Variants in TNFAIP8 observed in about 807,000 individuals in gnomAD.
TNFAIP8 encodes the protein tumor necrosis factor alpha-induced protein 8.
In TNFAIP8, 7 loss-of-function variants were observed where a neutral mutation model predicts 13.3. The observed-to-expected ratio is 0.52, with a 90% CI of 0.30 to 0.99. The LOEUF (loss-of-function observed/expected upper bound fraction) is 0.99. TNFAIP8 is among the 50% of genes least tolerant of loss of function. The pLI is 0.07. For synonymous variants in TNFAIP8, 94 were observed against 87.6 expected, an observed-to-expected ratio of 1.07 and a Z score of -0.41; for missense variants, 258 against 236.9, an observed-to-expected ratio of 1.09 and a Z score of -0.58.
intron 1 of TNFAIP8, chr5:119,391,614 C>T (rs1354243927): frequency 4.2e-6 from 2 of 479,884 alleles, no homozygotes; most frequent in Non-Finnish European, 7.7e-6. Context: ...ACACAATTAG[C>T]CGGGCATGGT....
chr5:119,349,641 C>T (rs149106451), intron 1 of TNFAIP8, among the ~76,000 whole-genome samples: 2 of 152,146 alleles, frequency 1.3e-5, no homozygotes, highest in South Asian at 2.1e-4. Flanking sequence ...AATTAAGGTC[C>T]TTACTGAACT....
At chr5:119,373,216 G>A (rs925472723) in intron 1 of TNFAIP8, among the ~76,000 whole-genome samples, 10 of 152,088 alleles carry the variant, frequency 6.6e-5, no homozygotes, top group East Asian at 1.9e-4. Flanking sequence ...AAAAACTGCC[G>A]TATGTGGGAT....
chr5:119,273,899 C>T (rs1384270821), intron 1 of TNFAIP8, among the ~76,000 whole-genome samples: 2 of 152,206 alleles, frequency 1.3e-5, no homozygotes, highest in Admixed American at 6.5e-5. Context: ...AAGTAAGCAA[C>T]AGCTCACTCT....
upstream of TNFAIP8, among the ~76,000 whole-genome samples, chr5:119,352,423 G>GAA (rs75767453): frequency 9.3e-5 from 14 of 151,082 alleles, no homozygotes; most frequent in African/African-American, 3.4e-4. Flanking sequence ...CAGCAGGTTA[G>GAA]AAAAAAAAAT....
intron 1 of TNFAIP8, among the ~76,000 whole-genome samples, chr5:119,325,464 T>A (rs1431602556): frequency 6.6e-6 from 1 of 152,096 alleles, no homozygotes; most frequent in Non-Finnish European, 1.5e-5. Flanking sequence ...TTATTTATTT[T>A]TGAGACGGAG....
chr5:119,377,196 G>A (rs939379372), intron 1 of TNFAIP8, among the ~76,000 whole-genome samples: 1 of 152,032 alleles, frequency 6.6e-6, no homozygotes, highest in African/African-American at 2.4e-5. Flanking sequence ...GAGGCCAAGA[G>A]TTTGAGACCA....
chr5:119,270,994 A>G (rs973617240), intron 1 of TNFAIP8, among the ~76,000 whole-genome samples: 13 of 152,158 alleles, frequency 8.5e-5, no homozygotes, highest in Admixed American at 6.5e-4. Context: ...GAGTTGAGAA[A>G]TCTCATGTTT....
intron 1 of TNFAIP8, among the ~76,000 whole-genome samples, chr5:119,291,853 A>G (rs2150811223): frequency 6.6e-6 from 1 of 152,156 alleles, no homozygotes; most frequent in Admixed American, 6.5e-5. Flanking sequence ...TCTCTTGAAA[A>G]TCTCCCTCAA....
chr5:119,355,321 C>T (rs1751342909), upstream of TNFAIP8: 4 of 702,152 alleles, frequency 5.7e-6, no homozygotes, highest in South Asian at 5.9e-5. Context: ...CCGGGCTGTG[C>T]TTGGAGTACC....
At chr5:119,377,469 T>G (rs1752327512) in intron 1 of TNFAIP8, among the ~76,000 whole-genome samples, 1 of 152,032 alleles carries the variant, frequency 6.6e-6, no homozygotes, top group Non-Finnish European at 1.5e-5. Context: ...GGGGGAAAGT[T>G]TTTCTGCCAT....
chr5:119,333,210 A>G (rs1203917302), intron 1 of TNFAIP8: 1 of 1,004,042 alleles, frequency 1.0e-6, no homozygotes, highest in Non-Finnish European at 1.2e-6. Context: ...TGTCACAGGT[A>G]ATCTTGCATT....
chr5:119,330,777 GA>G (rs1437356496), intron 1 of TNFAIP8, among the ~76,000 whole-genome samples: 2 of 152,158 alleles, frequency 1.3e-5, no homozygotes, highest in Non-Finnish European at 2.9e-5. Context: ...CAGAGAGATA[GA>G]GAAGAAGTAC....
chr5:119,347,411 CTGTTGAA>C (rs1224059721), intron 1 of TNFAIP8, among the ~76,000 whole-genome samples: 7 of 152,274 alleles, frequency 4.6e-5, no homozygotes, highest in African/African-American at 1.7e-4. Context: ...AGTAAAATGT[CTGTTGAA>C]ACAGACTTCA....
At chr5:119,315,583 C>T (rs1332623747) in intron 1 of TNFAIP8, among the ~76,000 whole-genome samples, 1 of 152,216 alleles carries the variant, frequency 6.6e-6, no homozygotes, top group East Asian at 1.9e-4. Context: ...CTTTCAGGGG[C>T]AGTGCTGTGC....
chr5:119,295,132 A>G (rs1014186043), intron 1 of TNFAIP8, among the ~76,000 whole-genome samples: 1 of 151,550 alleles, frequency 6.6e-6, no homozygotes, highest in Admixed American at 6.6e-5. Flanking sequence ...TATGTCCTCA[A>G]TGGTAATGCC....
At chr5:119,371,631 T>C (rs1297547728) in intron 1 of TNFAIP8, among the ~76,000 whole-genome samples, 1 of 152,222 alleles carries the variant, frequency 6.6e-6, no homozygotes, top group African/African-American at 2.4e-5. Flanking sequence ...TTCATTTTTT[T>C]CTCTAAGCAT....
In TNFAIP8 at chr5:119,345,714, T is replaced by C. The variant is rs559275038; in HGVS notation, c.2-47102T>C. Among the ~76,000 whole-genome samples, 11 of 152,292 alleles carry C rather than the reference T, an allele frequency of 7.2e-5. No individual in the cohort carries two copies. In the South Asian group the frequency reaches 2.3e-3, roughly 32 times the overall value. ...GCCAGGGGCTGACAGGAGCAGAGAA[T>C]GGCGAATTAGTCTTCAGTGGGTACA... On this transcript the variant is annotated intron_variant, in intron 1 of 1. Transcript: ENST00000274456.
intron 1 of TNFAIP8, among the ~76,000 whole-genome samples, chr5:119,371,520 C>T (rs1752070822): frequency 6.6e-6 from 1 of 152,104 alleles, no homozygotes; most frequent in South Asian, 2.1e-4. Flanking sequence ...ATAAATTAAA[C>T]AATTAACAGG....
chr5:119,399,396 C>T lies in TNFAIP8; in HGVS notation c.*6015C>T, dbSNP rs961654266. ...ATTTTAAAGATACAATTTTTAAAGA[C>T]ATGGAAGGCTCTGAGACCTCCTGAA... On this transcript the variant is annotated 3_prime_UTR_variant, in exon 2 of 2. Coordinates refer to ENST00000504771, the MANE Select transcript of TNFAIP8 (RefSeq NM_014350.4). 2 of 152,192 alleles carry T rather than the reference C, an allele frequency of 1.3e-5. No individual in the cohort carries two copies. The highest frequency in any genetic ancestry group is 4.8e-5 in the African/African-American group (2 of 41,436). The allele number at this position is 152,192 out of a possible 1,614,324, so 9.4% of individuals were successfully genotyped here.
Sources: allele counts gnomAD v4.1 joint callset (sites outside exome capture counted in the v4.1 genomes callset), GRCh38; gene constraint gnomAD v4.1.1; transcripts MANE v1.5; gene names NCBI Gene and HGNC (gene_info 2026-07-23, HGNC 2026-07-21).